Variants in SORBS2 observed in about 807,000 individuals in gnomAD.
The protein encoded by SORBS2 is sorbin and SH3 domain containing 2.
A neutral mutation model predicts 97.7 loss-of-function variants in SORBS2; 46 were observed. The ratio of observed to expected loss-of-function variants is 0.47; its 90% CI spans 0.37 to 0.60. The LOEUF (loss-of-function observed/expected upper bound fraction) is 0.60, where lower values mean the gene tolerates loss of function less well. Among genes scored for constraint, SORBS2 ranks in the 20% least tolerant of loss-of-function variants. The pLI is 0.00. For missense variants in SORBS2, 1,316 were observed against 1,282.3 expected (o/e 1.03, Z -0.40); for synonymous variants, 476 against 473.4 (o/e 1.01, Z -0.07).
rs141326578 is a variant in SORBS2 at position 185,729,631 on chromosome 4, T to C, written c.-198+45596A>G. Among the ~76,000 whole-genome samples, 18 of 152,336 alleles carry C rather than the reference T, an allele frequency of 1.2e-4. No homozygotes were observed. In the East Asian group the frequency reaches 3.3e-3, roughly 28 times the overall value. On this transcript the variant is annotated intron_variant, in intron 2 of 20. Transcript: ENST00000284776. ...CTACTCTGTGAAAGACAAGGAATAG[T>C]ACAGCTCTTCAGTTTCCTGGGGGAG... is the stretch of plus-strand genomic sequence containing the variant.
intron 1 of SORBS2, among the ~76,000 whole-genome samples, chr4:185,805,392 C>T (rs2099148932): frequency 6.6e-6 from 1 of 152,128 alleles, no homozygotes; most frequent in South Asian, 2.1e-4. Flanking sequence ...TAGCACAACA[C>T]CGGGGAAGAT....
intron 1 of SORBS2, among the ~76,000 whole-genome samples, chr4:185,855,149 G>C (rs1324591476): frequency 1.3e-5 from 2 of 152,092 alleles, no homozygotes; most frequent in Admixed American, 1.3e-4. Flanking sequence ...GTTTTTCCTT[G>C]AAATACAGTC....
intron 4 of SORBS2, among the ~76,000 whole-genome samples, chr4:185,676,023 G>A (rs916773895): frequency 1.3e-5 from 2 of 152,078 alleles, no homozygotes; most frequent in Non-Finnish European, 2.9e-5. Flanking sequence ...TATTAACACA[G>A]ATACAAAAAG....
upstream of SORBS2, among the ~76,000 whole-genome samples, chr4:185,658,099 C>T (rs2097439340): frequency 6.6e-6 from 1 of 152,102 alleles, no homozygotes; most frequent in African/African-American, 2.4e-5. Context: ...GAGTCAGTAA[C>T]AGTGATTTCA....
chr4:185,638,379 C>G (rs1352463804), intron 4 of SORBS2, among the ~76,000 whole-genome samples: 2 of 152,174 alleles, frequency 1.3e-5, no homozygotes, highest in Admixed American at 1.3e-4. Flanking sequence ...CTAGCTGTTT[C>G]CTGCGTCCAT....
intron 4 of SORBS2, chr4:185,677,210 T>C (rs1379657726): frequency 1.9e-6 from 3 of 1,551,522 alleles, no homozygotes; most frequent in Non-Finnish European, 1.7e-6. Context: ...TTTTGAGAAA[T>C]GACGGTACTT....
rs114926120 is a variant in SORBS2, at chr4:185,850,173, G to A, written c.-337-74807C>T. Among the ~76,000 whole-genome samples the A allele has an allele frequency of 4.9e-3, 753 of 152,222 alleles. 6 individuals are homozygous for A. Among genetic ancestry groups the A allele is most frequent in the African/African-American group, 0.017 (714 of 41,520 alleles). The stretch of plus-strand genomic sequence containing the variant: ...ACCTATATTCTCATCCTGCCCCTCG[G>A]GCATGAGTCACCACTTCCCCCTAAA... On this transcript the variant is annotated intron_variant, in intron 1 of 20. Transcript: ENST00000284776.
chr4:185,720,503 G>A (rs2098504312), intron 2 of SORBS2, among the ~76,000 whole-genome samples: 1 of 151,988 alleles, frequency 6.6e-6, no homozygotes, highest in South Asian at 2.1e-4. Context: ...CTCTTCCTTA[G>A]GCCCAGGTCA....
At chr4:185,806,434 C>CTGTTTTTTTTTTTTTTTTTTTTTTTTTTT (rs2099153884) in intron 1 of SORBS2, among the ~76,000 whole-genome samples, 1 of 108,110 alleles carries the variant, frequency 9.2e-6, no homozygotes, top group African/African-American at 3.7e-5. Flanking sequence ...GGCTAGAATC[C>CTGTTTTTTTTTTTTTTTTTTTTTTTTTTT]TATTTTTTTT....
chr4:185,876,805 C>T (rs1223586812), intron 1 of SORBS2, among the ~76,000 whole-genome samples: 2 of 151,974 alleles, frequency 1.3e-5, no homozygotes, highest in African/African-American at 4.8e-5. Context: ...AATAAAAATC[C>T]CAGGTTAAGT....
chr4:185,763,015 C>T (rs1240933079), intron 2 of SORBS2, among the ~76,000 whole-genome samples: 1 of 152,092 alleles, frequency 6.6e-6, no homozygotes, highest in South Asian at 2.1e-4. Flanking sequence ...ATGGTGAAAT[C>T]CCATCTCTAC....
At chr4:185,930,983 T>A (rs2099266141) in intron 1 of SORBS2, among the ~76,000 whole-genome samples, 1 of 152,188 alleles carries the variant, frequency 6.6e-6, no homozygotes, top group African/African-American at 2.4e-5. Flanking sequence ...GATAATTTCA[T>A]TAATAGTAAG....
At chr4:185,631,667 CA>C (rs1233968074) in intron 4 of SORBS2, among the ~76,000 whole-genome samples, 1 of 152,120 alleles carries the variant, frequency 6.6e-6, no homozygotes, top group Non-Finnish European at 1.5e-5. Flanking sequence ...GAGGCTGAGG[CA>C]GGAGAATTGC....
At chr4:185,760,109 C>T (rs913307309) in intron 2 of SORBS2, among the ~76,000 whole-genome samples, 2 of 152,204 alleles carry the variant, frequency 1.3e-5, no homozygotes, top group Non-Finnish European at 2.9e-5. Context: ...GTTCTCCATC[C>T]ATGCTTAGAC....
At chr4:185,761,232 TC>T (rs1184618176) in intron 2 of SORBS2, among the ~76,000 whole-genome samples, 9 of 152,354 alleles carry the variant, frequency 5.9e-5, no homozygotes, top group African/African-American at 1.9e-4. Context: ...TACTTCAATA[TC>T]CCTCTGTTAG....
chr4:185,892,896 T>G (rs996699194), intron 1 of SORBS2, among the ~76,000 whole-genome samples: 1 of 152,170 alleles, frequency 6.6e-6, no homozygotes, highest in African/African-American at 2.4e-5. Flanking sequence ...GGCTGTACAC[T>G]TAAAAATGGC....
intron 1 of SORBS2, among the ~76,000 whole-genome samples, chr4:185,879,193 C>T (rs564414820): frequency 1.4e-5 from 2 of 140,650 alleles, no homozygotes; most frequent in African/African-American, 5.5e-5. Flanking sequence ...CGACAGGCCC[C>T]GGTGTGTGAT....
intron 4 of SORBS2, among the ~76,000 whole-genome samples, chr4:185,664,829 C>T (rs1171198165): frequency 6.6e-5 from 10 of 151,976 alleles, no homozygotes; most frequent in Non-Finnish European, 1.5e-4. Context: ...AAAATTTTGT[C>T]TATGACAGTG....
At chr4:185,590,099 G>T (rs574000682) in intron 13 of SORBS2, among the ~76,000 whole-genome samples, 3 of 152,212 alleles carry the variant, frequency 2.0e-5, no homozygotes, top group South Asian at 4.2e-4. Flanking sequence ...AGTCAGACCC[G>T]CATTTCAGTT....
Sources: allele counts gnomAD v4.1 joint callset (sites outside exome capture counted in the v4.1 genomes callset), GRCh38; gene constraint gnomAD v4.1.1; transcripts MANE v1.5; gene names NCBI Gene and HGNC (gene_info 2026-07-23, HGNC 2026-07-21).